LARP1B: variants seen among roughly 807,000 people sequenced by gnomAD.
The protein encoded by LARP1B is la-related protein 1B.
A neutral mutation model predicts 114.2 loss-of-function variants in LARP1B; 76 were observed. The observed-to-expected ratio is 0.67, with a 90% CI of 0.55 to 0.81. LARP1B has a LOEUF of 0.81. Among genes scored for constraint, LARP1B ranks in the 30% least tolerant of loss-of-function variants. The probability of loss-of-function intolerance (pLI) is 0.00; values close to 1 mark genes in which losing one functional copy is unlikely to be tolerated. For synonymous variants in LARP1B, 345 were observed against 348.0 expected (o/e 0.99, Z 0.10); for missense variants, 1,014 against 1,075.8 (o/e 0.94, Z 0.80).
chr4:128,143,029 G>C (rs1728736579), intron 11 of LARP1B, among the ~76,000 whole-genome samples: 1 of 151,736 alleles, frequency 6.6e-6, no homozygotes, highest in South Asian at 2.1e-4. Context: ...GCTCACGCCT[G>C]TAATCCCAGC....
chr4:128,070,895 A>G (rs1166776779), intron 1 of LARP1B, among the ~76,000 whole-genome samples: 1 of 151,736 alleles, frequency 6.6e-6, no homozygotes, highest in Non-Finnish European at 1.5e-5. Context: ...TCATTTTTGT[A>G]TCTAGAAGAA....
chr4:128,194,077 CTATT>C (rs781082874), intron 15 of LARP1B, among the ~76,000 whole-genome samples: 4 of 151,940 alleles, frequency 2.6e-5, no homozygotes, highest in South Asian at 2.1e-4. Flanking sequence ...TACTGTTTGA[CTATT>C]TATTTATTGA....
rs1159007703 is a variant in LARP1B at position 128,098,739 on chromosome 4, A to ATGTG, written c.813+412_813+413insGTGT. On this transcript the variant is annotated intron_variant, in intron 8 of 19. Transcript: ENST00000326639. ...TGTAAAAAAGCATGTGTTCCTGTAT[A>ATGTG]TGTATGTGTATATATATATATATAT... Among the ~76,000 whole-genome samples the ATGTG allele has an allele frequency of 1.7e-4, 4 of 23,690 alleles. No individual in the cohort carries two copies. In the East Asian group the frequency reaches 2.9e-3, roughly 17 times the overall value. The allele number at this position is 23,690 out of a possible 152,430, so 15.5% of individuals were successfully genotyped here.
At chr4:128,073,253 A>G (rs974831689) in intron 1 of LARP1B, among the ~76,000 whole-genome samples, 1 of 151,576 alleles carries the variant, frequency 6.6e-6, no homozygotes, top group Non-Finnish European at 1.5e-5. Flanking sequence ...GTCTCTCCTA[A>G]AAATACAAAA....
chr4:128,088,330 G>A (rs1350065551), intron 5 of LARP1B, among the ~76,000 whole-genome samples: 1 of 152,134 alleles, frequency 6.6e-6, no homozygotes, highest in Non-Finnish European at 1.5e-5. Flanking sequence ...ATGAGCTTAA[G>A]TGCATTGGTT....
At chr4:128,067,940 G>T (rs889822555) in intron 1 of LARP1B, among the ~76,000 whole-genome samples, 1 of 151,786 alleles carries the variant, frequency 6.6e-6, no homozygotes, top group East Asian at 1.9e-4. Flanking sequence ...GACTGCAGTG[G>T]CACAATCTCG....
chr4:128,160,481 C>T (rs1737946651), intron 11 of LARP1B, among the ~76,000 whole-genome samples: 1 of 151,734 alleles, frequency 6.6e-6, no homozygotes, highest in Admixed American at 6.6e-5. Context: ...TGTTTACCTT[C>T]GATTATTCAT....
chr4:128,063,083 T>C (rs568041439), intron 1 of LARP1B, among the ~76,000 whole-genome samples: 2 of 152,276 alleles, frequency 1.3e-5, no homozygotes, highest in East Asian at 3.9e-4. Context: ...TGCTGACCAA[T>C]GCTGTATGGC....
chr4:128,079,175 A>G (rs968596640), intron 4 of LARP1B, among the ~76,000 whole-genome samples: 1 of 150,302 alleles, frequency 6.7e-6, no homozygotes, highest in Non-Finnish European at 1.5e-5. Context: ...ACTCACTGCA[A>G]CCTCTGCCTC....
At position 128,122,060 on chromosome 4, in the gene LARP1B, C is replaced by T. The variant is rs758989972; in HGVS notation, c.1396C>T (p.Arg466Ter). 22 of 1,613,842 alleles carry T rather than the reference C, an allele frequency of 1.4e-5. No homozygotes were observed. Among genetic ancestry groups the T allele is most frequent in the Admixed American group, 5.0e-5 (3 of 59,996 alleles). ...TGTGAAAAAACATCCTGGAGGAGAT[C>T]GAACAGGCACCCACATGTCTCGGGC... Reference protein sequence around the residue: ...PYVKKHPGGDRTGTHMSRAKI... With the variant: ...PYVKKHPGGD Residue 466 changes from arginine (R) to a stop codon, truncating the protein, a stop_gained, in exon 11 of 20, where the codon CGA becomes TGA. Coordinates refer to ENST00000326639, the MANE Select transcript of LARP1B (RefSeq NM_018078.4). LOFTEE classifies it high-confidence loss of function.
chr4:128,196,883 G>T (rs887487040), intron 15 of LARP1B, among the ~76,000 whole-genome samples: 1 of 152,120 alleles, frequency 6.6e-6, no homozygotes, highest in African/African-American at 2.4e-5. Context: ...ATGAAATTTT[G>T]ATTTATGCTG....
At chr4:128,089,585 C>G (rs1775063586) in intron 5 of LARP1B, among the ~76,000 whole-genome samples, 1 of 152,118 alleles carries the variant, frequency 6.6e-6, no homozygotes, top group African/African-American at 2.4e-5. Flanking sequence ...ATCCACCCAC[C>G]TCAGCCTCCC....
In LARP1B at chr4:128,091,341, A is replaced by G. The variant is rs1338189128; in HGVS notation, c.503-6A>G. ...ATTACCTTTCTTTTTCTTTATTCAC[A>G]TCAAGTGAACTTTGATTATTCATAT... On this transcript the variant is annotated splice_polypyrimidine_tract_variant and splice_region_variant and intron_variant, in intron 6 of 19. Transcript: ENST00000326639. 1 of 1,604,220 alleles carries G rather than the reference A, an allele frequency of 6.2e-7. No homozygotes were observed. Among genetic ancestry groups the G allele is most frequent in the Non-Finnish European group, 8.5e-7 (1 of 1,175,848 alleles).
intron 3 of LARP1B, among the ~76,000 whole-genome samples, chr4:128,076,438 T>G (rs530923230): frequency 1.5e-4 from 23 of 152,326 alleles, no homozygotes; most frequent in Non-Finnish European, 2.8e-4. Context: ...GAGATTTACT[T>G]GTGTGTCAGC....
chr4:128,070,409 C>G (rs2100799), intron 1 of LARP1B, among the ~76,000 whole-genome samples: 91,594 of 151,956 alleles, frequency 0.6, 28,483 homozygotes, highest in Middle Eastern at 0.8. Context: ...GCCTGCAATC[C>G]GAGCACTTTG....
At chr4:128,114,515 TGTAA>T (rs369579261) in intron 9 of LARP1B, 51 bp from the exon 10 acceptor site, 23 of 1,311,052 alleles carry the variant, frequency 1.8e-5, no homozygotes, top group African/African-American at 1.3e-4. Flanking sequence ...AAGTGTATTT[TGTAA>T]GTAAGAAAAG....
intron 12 of LARP1B, among the ~76,000 whole-genome samples, chr4:128,176,171 TATATATAA>T (rs1293482357): frequency 5.2e-4 from 52 of 99,780 alleles, no homozygotes; most frequent in South Asian, 1.2e-3. Context: ...ATATATATAT[TATATATAA>T]ATATATAAAT....
At chr4:128,175,905 TGAG>T (rs999424131) in intron 12 of LARP1B, among the ~76,000 whole-genome samples, 2 of 151,752 alleles carry the variant, frequency 1.3e-5, no homozygotes, top group African/African-American at 4.8e-5. Flanking sequence ...GTTATTTTTT[TGAG>T]GAGAACTAAT....
intron 1 of LARP1B, chr4:128,062,002 G>GCCGCCA (rs961012575): frequency 6.5e-5 from 64 of 985,114 alleles, no homozygotes; most frequent in South Asian, 3.8e-4. Flanking sequence ...TCGGCGGGGA[G>GCCGCCA]CCGCCACCGC....
Sources: allele counts gnomAD v4.1 joint callset (sites outside exome capture counted in the v4.1 genomes callset), GRCh38; gene constraint gnomAD v4.1.1; transcripts MANE v1.5; gene names NCBI Gene and HGNC (gene_info 2026-07-23, HGNC 2026-07-21).